The following CDK6 variants were observed in gnomAD, a reference collection of about 807,000 sequenced individuals.
CDK6 encodes cyclin-dependent kinase 6.
A neutral mutation model predicts 37.1 loss-of-function variants in CDK6; 6 were observed. The observed-to-expected ratio is 0.16, with a 90% CI of 0.09 to 0.32. CDK6 has a LOEUF of 0.32. Among genes scored for constraint, CDK6 ranks in the 10% least tolerant of loss-of-function variants. CDK6 has a pLI of 1.00. For synonymous variants in CDK6, 160 were observed against 161.3 expected, an observed-to-expected ratio of 0.99 and a Z score of 0.06; for missense variants, 224 against 418.9, an observed-to-expected ratio of 0.53 and a Z score of 4.06.
intron 4 of CDK6, among the ~76,000 whole-genome samples, chr7:92,685,047 A>G (rs1797417874): frequency 6.6e-6 from 1 of 152,196 alleles, no homozygotes; most frequent in Non-Finnish European, 1.5e-5. Context: ...GTTTTGCTGT[A>G]CTTACTGAAT....
chr7:92,629,925 A>G (rs1392482938), intron 5 of CDK6, among the ~76,000 whole-genome samples: 2 of 151,960 alleles, frequency 1.3e-5, no homozygotes, highest in African/African-American at 4.8e-5. Context: ...GGCTAGAGAG[A>G]GGGTATGCTC....
intron 4 of CDK6, among the ~76,000 whole-genome samples, chr7:92,688,460 A>G (rs1393627811): frequency 6.6e-6 from 1 of 152,090 alleles, no homozygotes; most frequent in African/African-American, 2.4e-5. Context: ...GTAGTTCAAG[A>G]CAACTGTAAA....
intron 3 of CDK6, among the ~76,000 whole-genome samples, chr7:92,734,145 A>G (rs1798719551): frequency 6.6e-6 from 1 of 152,212 alleles, no homozygotes; most frequent in Non-Finnish European, 1.5e-5. Flanking sequence ...CCTTTACAAT[A>G]TTGAGTCTTT....
At position 92,833,327 on chromosome 7, in the gene CDK6, G is replaced by T. The variant is rs368726813; in HGVS notation, c.-4C>A. ...GGCACAGGCCGTCCTTCTCCATGCC[G>T]CCTGGACGCCGCCCGCCGCGGCGCC... On this transcript the variant is annotated 5_prime_UTR_variant, in exon 2 of 8. Coordinates refer to ENST00000424848, the MANE Select transcript of CDK6 (RefSeq NM_001145306.2). This position sits in a 1 kb window ranked among gnomAD's most constrained non-coding sequence, Gnocchi z 6.1. 7.0e-5 allele frequency: 109 copies of T among 1,562,092 alleles called. No individual in the cohort carries two copies. The African/African-American group carries it at 1.4e-3, about 20-fold the overall frequency.
intron 5 of CDK6, among the ~76,000 whole-genome samples, chr7:92,662,416 G>A (rs113589111): frequency 6.6e-6 from 1 of 152,096 alleles, no homozygotes; most frequent in Non-Finnish European, 1.5e-5. Context: ...GAGCTGGAGG[G>A]GAGGAAACAT....
intron 2 of CDK6, among the ~76,000 whole-genome samples, chr7:92,824,332 A>G (rs555399169): frequency 1.3e-5 from 2 of 152,244 alleles, no homozygotes; most frequent in South Asian, 2.1e-4. Flanking sequence ...ACAAAAATGA[A>G]TAATTCTCTT....
chr7:92,771,447 T>C (rs1307384942), intron 3 of CDK6, among the ~76,000 whole-genome samples: 1 of 152,136 alleles, frequency 6.6e-6, no homozygotes. Flanking sequence ...TTTGGATCCT[T>C]TGAAAAGTAA....
At chr7:92,746,865 A>T (rs1799073011) in intron 3 of CDK6, among the ~76,000 whole-genome samples, 1 of 152,096 alleles carries the variant, frequency 6.6e-6, no homozygotes, top group African/African-American at 2.4e-5. Flanking sequence ...ATACTTCTTA[A>T]CCAGTTATTT....
At chr7:92,644,059 A>G (rs908174624) in intron 5 of CDK6, among the ~76,000 whole-genome samples, 2 of 152,198 alleles carry the variant, frequency 1.3e-5, no homozygotes, top group African/African-American at 4.8e-5. Context: ...AAAAGCAGAG[A>G]ACTGGGTCCA....
At chr7:92,657,991 G>A (rs1280122078) in intron 5 of CDK6, among the ~76,000 whole-genome samples, 1 of 152,084 alleles carries the variant, frequency 6.6e-6, no homozygotes, top group Non-Finnish European at 1.5e-5. Context: ...CAAAGTGCTG[G>A]GATTACAGAT....
chr7:92,748,278 C>T (rs1211401601), intron 3 of CDK6, among the ~76,000 whole-genome samples: 1 of 152,152 alleles, frequency 6.6e-6, no homozygotes, highest in Non-Finnish European at 1.5e-5. Context: ...TTATAGTCAA[C>T]AAACGCTCAA....
At chr7:92,702,199 T>C (rs532454910) in intron 4 of CDK6, among the ~76,000 whole-genome samples, 1 of 151,036 alleles carries the variant, frequency 6.6e-6, no homozygotes, top group African/African-American at 2.4e-5. Flanking sequence ...TCATTAAATA[T>C]GTTGCATTAT....
At chr7:92,763,333 G>C (rs1799503799) in intron 3 of CDK6, among the ~76,000 whole-genome samples, 1 of 152,196 alleles carries the variant, frequency 6.6e-6, no homozygotes, top group African/African-American at 2.4e-5. Flanking sequence ...CAATAAAACA[G>C]GAGTAGGAAT....
chr7:92,834,001 G>C lies in CDK6; in HGVS notation c.-367-311C>G, dbSNP rs1584133934. ...TGCCGAGCAGCCCAGAGTGTGCCGG[G>C]AGCGCGGGGGAGGGGAGGCGCCGGG... On this transcript the variant is annotated intron_variant, in intron 1 of 7. Transcript: ENST00000424848. This position sits in a 1 kb window ranked among gnomAD's most constrained non-coding sequence, Gnocchi z 4.6. The C allele has an allele frequency of 2.5e-6, 1 of 398,424 alleles. No homozygotes were observed. Among genetic ancestry groups the C allele is most frequent in the Admixed American group, 4.4e-5 (1 of 22,726 alleles). The allele number at this position is 398,424 out of a possible 1,614,324, so 24.7% of individuals were successfully genotyped here.
chr7:92,733,161 T>C (rs999033266), intron 3 of CDK6, among the ~76,000 whole-genome samples: 1 of 152,336 alleles, frequency 6.6e-6, no homozygotes, highest in Non-Finnish European at 1.5e-5. Flanking sequence ...ACAGACCCAA[T>C]GGGGCCTGTA....
intron 4 of CDK6, among the ~76,000 whole-genome samples, chr7:92,685,315 C>A (rs1202022221): frequency 6.6e-6 from 1 of 152,124 alleles, no homozygotes; most frequent in African/African-American, 2.4e-5. Context: ...AACATAAAAA[C>A]CAGCGGAAGG....
chr7:92,784,139 T>C (rs981191740), intron 2 of CDK6, among the ~76,000 whole-genome samples: 2 of 152,134 alleles, frequency 1.3e-5, no homozygotes, highest in African/African-American at 4.8e-5. Context: ...CGATTTGTTG[T>C]CTTGCAGGGA....
At chr7:92,642,399 C>T (rs1796330594) in intron 5 of CDK6, among the ~76,000 whole-genome samples, 1 of 152,140 alleles carries the variant, frequency 6.6e-6, no homozygotes, top group South Asian at 2.1e-4. Context: ...GGCCATGCCG[C>T]CCAGCCCACT....
chr7:92,725,893 C>A, intron 3 of CDK6, 100 bp from the exon 4 acceptor site: 1 of 1,047,948 alleles, frequency 9.5e-7, no homozygotes, highest in Non-Finnish European at 1.4e-6. Context: ...GGCTGCTTGG[C>A]ATGCGGCAGG....
Sources: gnomAD v4.1 joint callset for allele counts (sites outside exome capture counted in the v4.1 genomes callset) on GRCh38, gnomAD v4.1.1 for gene constraint, Gnocchi (gnomAD v3.1) non-coding constraint, MANE v1.5 for transcripts, NCBI Gene and HGNC (gene_info 2026-07-23, HGNC 2026-07-21) for gene names.